CNTNAP2: variants seen among roughly 807,000 people sequenced by gnomAD.
CNTNAP2 encodes the protein contactin associated protein 2.
CNTNAP2 carries 98 observed loss-of-function variants against 155.2 expected under a neutral mutation model. The ratio of observed to expected loss-of-function variants is 0.63; its 90% CI spans 0.54 to 0.75. CNTNAP2 has a LOEUF of 0.75. Ranked by LOEUF, CNTNAP2 falls within the 30% of genes least tolerant of loss-of-function variation. The pLI, the probability that CNTNAP2 is intolerant of heterozygous loss-of-function variation, is 0.00. For synonymous variants in CNTNAP2, 651 were observed against 631.2 expected, an observed-to-expected ratio of 1.03 and a Z score of -0.47; for missense variants, 1,727 against 1,688.1, an observed-to-expected ratio of 1.02 and a Z score of -0.40.
chr7:147,931,463 A>G (rs971627354), intron 14 of CNTNAP2, among the ~76,000 whole-genome samples: 5 of 152,184 alleles, frequency 3.3e-5, no homozygotes, highest in Admixed American at 3.3e-4. Flanking sequence ...TTTCCCTGAC[A>G]CCAAAGCCAG....
chr7:147,482,763 C>T (rs897717052), intron 10 of CNTNAP2, among the ~76,000 whole-genome samples: 3 of 146,340 alleles, frequency 2.1e-5, no homozygotes, highest in Non-Finnish European at 3.0e-5. Flanking sequence ...AATAAATAAT[C>T]GGCCGGGGGC....
In CNTNAP2 at chr7:148,193,331, C is replaced by A. The variant is rs139752897; in HGVS notation, c.3010+20853C>A. Among the ~76,000 whole-genome samples the A allele has an allele frequency of 2.8e-4, 43 of 152,300 alleles. No individual in the cohort carries two copies. The East Asian group carries it at 8.1e-3, about 29-fold the overall frequency. On this transcript the variant is annotated intron_variant, in intron 18 of 23. Transcript: ENST00000361727. ...TAGCCATTAGGTGGGGTGGACACAA[C>A]CCACGTTTTGAGGGGCCCACACATA... is the stretch of plus-strand genomic sequence containing the variant.
intron 1 of CNTNAP2, among the ~76,000 whole-genome samples, chr7:146,570,373 T>C (rs946811611): frequency 3.9e-5 from 6 of 152,182 alleles, no homozygotes; most frequent in Non-Finnish European, 7.3e-5. Context: ...TTCTAAATTT[T>C]GGGGATGCTT....
chr7:146,659,586 T>C (rs1387498158), intron 1 of CNTNAP2, among the ~76,000 whole-genome samples: 1 of 152,144 alleles, frequency 6.6e-6, no homozygotes, highest in East Asian at 1.9e-4. Flanking sequence ...TCCTTAAAAA[T>C]TTACAATTTT....
At chr7:147,801,145 AC>A (rs145856131) in intron 13 of CNTNAP2, among the ~76,000 whole-genome samples, 3,640 of 152,310 alleles carry the variant, frequency 0.024, 128 homozygotes, top group African/African-American at 0.083. Context: ...AAGAAGACTT[AC>A]AAATTGGGAG....
At chr7:147,769,095 T>C (rs1430499160) in intron 13 of CNTNAP2, among the ~76,000 whole-genome samples, 1 of 152,168 alleles carries the variant, frequency 6.6e-6, no homozygotes, top group Non-Finnish European at 1.5e-5. Context: ...AATGAAATTA[T>C]ATTAGCAAAA....
At chr7:148,116,781 T>C (rs1020266215) in intron 15 of CNTNAP2, among the ~76,000 whole-genome samples, 2 of 152,200 alleles carry the variant, frequency 1.3e-5, no homozygotes, top group Non-Finnish European at 2.9e-5. Context: ...ATGTGTATAA[T>C]TTGCATAAAA....
At chr7:147,542,598 A>G (rs1372443065) in intron 11 of CNTNAP2, among the ~76,000 whole-genome samples, 3 of 152,216 alleles carry the variant, frequency 2.0e-5, no homozygotes, top group East Asian at 1.9e-4. Context: ...TAAGTTTACA[A>G]TGTTAAGATA....
chr7:147,178,126 T>A (rs1305823415), intron 8 of CNTNAP2, among the ~76,000 whole-genome samples: 2 of 152,196 alleles, frequency 1.3e-5, no homozygotes, highest in Admixed American at 1.3e-4. Flanking sequence ...CAAAAGGGAC[T>A]TTGCAGATAT....
At chr7:148,279,400 G>A (rs1391286139) in intron 21 of CNTNAP2, among the ~76,000 whole-genome samples, 1 of 152,218 alleles carries the variant, frequency 6.6e-6, no homozygotes, top group Non-Finnish European at 1.5e-5. Context: ...ACCGGATGTG[G>A]TGGGTGAGAG....
At chr7:146,218,090 T>C (rs1309728113) in intron 1 of CNTNAP2, among the ~76,000 whole-genome samples, 1 of 152,192 alleles carries the variant, frequency 6.6e-6, no homozygotes, top group East Asian at 1.9e-4. Context: ...CCTCTGTTTT[T>C]AGTCATAGAA....
intron 1 of CNTNAP2, among the ~76,000 whole-genome samples, chr7:146,691,800 G>A (rs1277036346): frequency 1.3e-5 from 2 of 152,104 alleles, no homozygotes; most frequent in South Asian, 2.1e-4. Context: ...CAATGGTCAA[G>A]TTGGCATGAA....
At chr7:147,980,901 G>A (rs1015313262) in intron 15 of CNTNAP2, among the ~76,000 whole-genome samples, 9 of 137,658 alleles carry the variant, frequency 6.5e-5, no homozygotes, top group South Asian at 2.3e-4. Flanking sequence ...ACTGCACTCC[G>A]GCCTGGGTGA....
At chr7:147,751,023 C>G (rs1180418004) in intron 13 of CNTNAP2, among the ~76,000 whole-genome samples, 1 of 151,770 alleles carries the variant, frequency 6.6e-6, no homozygotes, top group East Asian at 1.9e-4. Context: ...CCGGGGGACA[C>G]AGCGAGACTC....
At chr7:147,479,981 A>T (rs925645634) in intron 10 of CNTNAP2, among the ~76,000 whole-genome samples, 2 of 152,140 alleles carry the variant, frequency 1.3e-5, no homozygotes, top group Non-Finnish European at 2.9e-5. Context: ...AATAGAAGAC[A>T]CTCCATAGAG....
intron 21 of CNTNAP2, among the ~76,000 whole-genome samples, chr7:148,347,418 TACA>T (rs1329940010): frequency 6.6e-6 from 1 of 152,088 alleles, no homozygotes; most frequent in African/African-American, 2.4e-5. Context: ...CCCAAGACCA[TACA>T]ACAAGAATGA....
Position 148,419,941 on chromosome 7 carries a change from C to T in CNTNAP2, c.*4325C>T, listed in dbSNP as rs1257878317. ...GTTGCGAGGTGCCATTGATTCTTGA[C>T]TGCAAAATACCTTGAAACCCTTATA... On this transcript the variant is annotated 3_prime_UTR_variant, in exon 24 of 24. Transcript: ENST00000361727. 6.6e-6 allele frequency: 1 copy of T among 152,192 alleles called. No homozygotes were observed. The highest frequency in any genetic ancestry group is 2.4e-5 in the African/African-American group (1 of 41,450). 9.4% of individuals were successfully genotyped at this position (152,192 alleles called of 1,614,324 possible). A position where few individuals can be genotyped will look rare whatever the true frequency, so the allele number is the denominator to read the frequency against.
intron 13 of CNTNAP2, among the ~76,000 whole-genome samples, chr7:147,873,258 T>C (rs1410189280): frequency 6.6e-6 from 1 of 152,194 alleles, no homozygotes; most frequent in Non-Finnish European, 1.5e-5. Flanking sequence ...CCTTTGGACT[T>C]AGCTAAGAAA....
intron 12 of CNTNAP2, among the ~76,000 whole-genome samples, chr7:147,577,836 G>A (rs890937084): frequency 2.6e-5 from 4 of 151,952 alleles, no homozygotes; most frequent in Admixed American, 2.0e-4. Flanking sequence ...TCTTGGTATC[G>A]TGTTGGTGTC....
Sources: allele counts gnomAD v4.1 joint callset (sites outside exome capture counted in the v4.1 genomes callset), GRCh38; gene constraint gnomAD v4.1.1; transcripts MANE v1.5; gene names NCBI Gene and HGNC (gene_info 2026-07-23, HGNC 2026-07-21).